The following RAB40C variants were observed in gnomAD, a reference collection of about 807,000 sequenced individuals.
The protein encoded by RAB40C is ras-related protein Rab-40C.
Under a neutral mutation model 28.1 loss-of-function variants are expected in RAB40C, and 8 were observed. That is an observed-to-expected ratio of 0.28 (90% CI 0.17 to 0.51). The LOEUF (loss-of-function observed/expected upper bound fraction) is 0.51, where lower values mean the gene tolerates loss of function less well. Ranked by LOEUF, RAB40C falls within the 20% of genes least tolerant of loss-of-function variation. RAB40C has a pLI of 0.97. For missense variants in RAB40C, 288 were observed against 405.9 expected (o/e 0.71, Z 2.50); for synonymous variants, 201 against 171.7 (o/e 1.17, Z -1.34).
chr16:613,068 A>G (rs2036514532), intron 1 of RAB40C, among the ~76,000 whole-genome samples: 1 of 113,946 alleles, frequency 8.8e-6, no homozygotes, highest in Admixed American at 8.0e-5. Flanking sequence ...TGTAGCATCA[A>G]GAGCAAGGGA....
intron 1 of RAB40C, among the ~76,000 whole-genome samples, chr16:596,899 C>T (rs1361330599): frequency 6.6e-6 from 1 of 152,152 alleles, no homozygotes; most frequent in African/African-American, 2.4e-5. Context: ...GGGATGGCGG[C>T]GCACTCTGAT....
intron 1 of RAB40C, among the ~76,000 whole-genome samples, chr16:613,502 G>A (rs992074005): frequency 1.7e-4 from 26 of 152,356 alleles, no homozygotes; most frequent in African/African-American, 4.3e-4. Context: ...TCTGCACGCC[G>A]GCTGGCACTT....
intron 1 of RAB40C, among the ~76,000 whole-genome samples, chr16:607,426 A>G (rs1344785317): frequency 2.9e-5 from 4 of 139,184 alleles, no homozygotes; most frequent in African/African-American, 1.1e-4. Flanking sequence ...TCACTTGAAC[A>G]TGGGAGGTAG....
chr16:590,375 C>T lies in RAB40C; in HGVS notation c.84C>T (p.Gly28=), dbSNP rs1441036529. ...LLVGDSDVGK[G]EILESLQDGA... is the part of the protein sequence containing the mutation. ...TGGGCGACAGCGACGTGGGCAAGGG[C>T]GAGATCCTGGAGAGCCTGCAGGACG... Residue 28 remains glycine (G), a synonymous_variant, in exon 1 of 6, where the codon GGC becomes GGT. Coordinates refer to ENST00000248139, the MANE Select transcript of RAB40C (RefSeq NM_021168.5). 6.3e-6 allele frequency: 10 copies of T among 1,598,124 alleles called. No individual in the cohort carries two copies. The highest frequency in any genetic ancestry group is 3.4e-5 in the South Asian group (3 of 89,390).
chr16:624,011 C>T, intron 3 of RAB40C: 1 of 985,434 alleles, frequency 1.0e-6, no homozygotes, highest in Non-Finnish European at 1.2e-6. Context: ...CTCTCCTTGG[C>T]CAGCATGCAC....
At chr16:598,561 CAAAAAA>C (rs938034632) in intron 1 of RAB40C, among the ~76,000 whole-genome samples, 3 of 54,950 alleles carry the variant, frequency 5.5e-5, no homozygotes, top group Non-Finnish European at 7.8e-5. Context: ...CTCTGTCTCA[CAAAAAA>C]AAAAAAAAAA....
chr16:619,778 C>G (rs1375250791), intron 3 of RAB40C, among the ~76,000 whole-genome samples: 3 of 152,202 alleles, frequency 2.0e-5, no homozygotes, highest in Non-Finnish European at 4.4e-5. Flanking sequence ...GGAAGCTGCC[C>G]AGGTGCGAGG....
intron 1 of RAB40C, among the ~76,000 whole-genome samples, chr16:601,846 G>T (rs548611740): frequency 4.1e-4 from 39 of 94,914 alleles, no homozygotes; most frequent in African/African-American, 1.3e-3. Context: ...AAAAAAAAAA[G>T]GCCGGATGCG....
At chr16:624,843 C>T (rs979268719) in intron 3 of RAB40C, 27 of 985,312 alleles carry the variant, frequency 2.7e-5, no homozygotes, top group Admixed American at 6.2e-5. Flanking sequence ...CTGTCACTGC[C>T]GAGATATTTA....
At chr16:626,311 T>G (rs1438141849) in intron 5 of RAB40C, among the ~76,000 whole-genome samples, 190 bp downstream of exon 5, 2 of 152,108 alleles carry the variant, frequency 1.3e-5, no homozygotes, top group Non-Finnish European at 2.9e-5. Flanking sequence ...GCGGCAGCAC[T>G]GGGGGGCACA....
chr16:595,336 T>C (rs887083832), intron 1 of RAB40C, among the ~76,000 whole-genome samples: 1 of 152,176 alleles, frequency 6.6e-6, no homozygotes, highest in Non-Finnish European at 1.5e-5. Context: ...GCGGCAGCTG[T>C]AGGGGTGGGC....
intron 3 of RAB40C, among the ~76,000 whole-genome samples, chr16:620,605 T>A (rs12935215): frequency 7.4e-6 from 1 of 135,406 alleles, no homozygotes; most frequent in Admixed American, 7.6e-5. Flanking sequence ...CAGGCTCCAC[T>A]GCGGGCATCC....
chr16:620,838 G>A (rs936965430), intron 3 of RAB40C, among the ~76,000 whole-genome samples: 3 of 148,960 alleles, frequency 2.0e-5, no homozygotes, highest in Non-Finnish European at 4.5e-5. Context: ...CACCCCCCCC[G>A]ACGGGCTCCA....
Position 590,312 on chromosome 16 carries a change from G to A in RAB40C, c.21G>A (p.Pro7=), listed in dbSNP as rs149756733. Residue 7 remains proline (P), a synonymous_variant, in exon 1 of 6, where the codon CCG becomes CCA. Transcript: ENST00000248139. The part of the protein sequence containing the change: MGSQGS[P]VKSYDYLLKF... ...CGGCCATGGGCTCGCAGGGCAGTCC[G>A]GTGAAGAGCTACGACTACCTGCTCA... The A allele has an allele frequency of 6.4e-6, 10 of 1,573,382 alleles. No individual in the cohort carries two copies. The highest frequency in any genetic ancestry group is 5.6e-5 in the African/African-American group (4 of 70,900).
Position 593,952 on chromosome 16 carries a change from C to T in RAB40C, c.142+3519C>T, listed in dbSNP as rs563585025. On this transcript the variant is annotated intron_variant, in intron 1 of 5. Coordinates refer to ENST00000248139, the MANE Select transcript of RAB40C (RefSeq NM_021168.5). ...CCAGGAGTGTGGGTGGTGCACGCGG[C>T]GGGGAGGAGAAAGCTGCAGTTCAGG... Among the ~76,000 whole-genome samples, 12 of 152,248 alleles carry T rather than the reference C, an allele frequency of 7.9e-5. No homozygotes were observed. In the South Asian group the frequency reaches 1.9e-3, roughly 24 times the overall value.
intron 1 of RAB40C, among the ~76,000 whole-genome samples, chr16:598,701 A>G (rs1232158128): frequency 6.6e-6 from 1 of 151,730 alleles, no homozygotes. Flanking sequence ...TGACTGTTGC[A>G]CTACGTTCCA....
Position 627,770 on chromosome 16 carries a change from C to A in RAB40C, c.*148C>A. 1 of 1,041,202 alleles carries A rather than the reference C, an allele frequency of 9.6e-7. No individual in the cohort carries two copies. The highest frequency in any genetic ancestry group is 1.3e-6 in the Non-Finnish European group (1 of 754,100). 64.5% of individuals were successfully genotyped at this position (1,041,202 alleles called of 1,614,324 possible). On this transcript the variant is annotated 3_prime_UTR_variant, in exon 6 of 6. Coordinates refer to ENST00000248139, the MANE Select transcript of RAB40C (RefSeq NM_021168.5). ...GCTTTCCTCACACCTGAGCCGGGTG[C>A]GAGGAGGAGCATGCACGGACCAAGC... is the stretch of plus-strand genomic sequence containing the variant.
chr16:602,677 C>T (rs530180296), intron 1 of RAB40C, among the ~76,000 whole-genome samples: 1 of 152,302 alleles, frequency 6.6e-6, no homozygotes, highest in South Asian at 2.1e-4. Context: ...AAGTGATCCA[C>T]CCACCTCGGC....
intron 3 of RAB40C, among the ~76,000 whole-genome samples, chr16:622,559 G>C (rs1431529923): frequency 6.6e-6 from 1 of 152,224 alleles, no homozygotes; most frequent in East Asian, 1.9e-4. Context: ...CCAGGCTGGA[G>C]TGCCGTGGCG....
Sources: allele counts gnomAD v4.1 joint callset (sites outside exome capture counted in the v4.1 genomes callset), GRCh38; gene constraint gnomAD v4.1.1; transcripts MANE v1.5; gene names NCBI Gene and HGNC (gene_info 2026-07-23, HGNC 2026-07-21).